GALNT13: variants seen among roughly 807,000 people sequenced by gnomAD.
GALNT13 encodes polypeptide N-acetylgalactosaminyltransferase 13, also known as UDP-GalNAc:polypeptide N-acetylgalactosaminyltransferase 13.
A neutral mutation model predicts 64.2 loss-of-function variants in GALNT13; 28 were observed. That is an observed-to-expected ratio of 0.44 (90% CI 0.32 to 0.60). The LOEUF is 0.60. Among genes scored for constraint, GALNT13 ranks in the 20% least tolerant of loss-of-function variants. The probability of loss-of-function intolerance (pLI) is 0.05; values close to 1 mark genes in which losing one functional copy is unlikely to be tolerated. For synonymous variants in GALNT13, 214 were observed against 224.6 expected, an observed-to-expected ratio of 0.95 and a Z score of 0.42; for missense variants, 577 against 669.8, an observed-to-expected ratio of 0.86 and a Z score of 1.53.
chr2:153,181,274 G>C, the GALNT13 span, among the ~76,000 whole-genome samples: 5 of 150,418 alleles, frequency 3.3e-5, no homozygotes, highest in Non-Finnish European at 5.9e-5. Context: ...GGGTGTTCAG[G>C]AGTACGTTTT....
At chr2:153,742,478 T>C in the GALNT13 span, among the ~76,000 whole-genome samples, 1 of 152,146 alleles carries the variant, frequency 6.6e-6, no homozygotes, top group Non-Finnish European at 1.5e-5. Flanking sequence ...ACAATGCATA[T>C]ACATAGAATG....
At chr2:154,057,545 T>C (rs995456021) in intron 3 of GALNT13, among the ~76,000 whole-genome samples, 6 of 152,114 alleles carry the variant, frequency 3.9e-5, no homozygotes, top group African/African-American at 1.4e-4. Context: ...TAATCGATTG[T>C]GGAATAGAGA....
At chr2:153,073,060 C>T in the GALNT13 span, among the ~76,000 whole-genome samples, 1 of 151,482 alleles carries the variant, frequency 6.6e-6, no homozygotes, top group Non-Finnish European at 1.5e-5. Flanking sequence ...TTGACACATG[C>T]TCTCATTTAA....
At chr2:153,604,429 A>T in the GALNT13 span, among the ~76,000 whole-genome samples, 1 of 152,044 alleles carries the variant, frequency 6.6e-6, no homozygotes, top group African/African-American at 2.4e-5. Context: ...CCTTTAAAAA[A>T]TGTAATTAGA....
At chr2:154,245,419 C>A (rs1221747440) in intron 6 of GALNT13, among the ~76,000 whole-genome samples, 1 of 152,144 alleles carries the variant, frequency 6.6e-6, no homozygotes, top group Non-Finnish European at 1.5e-5. Flanking sequence ...ACTACCAGAT[C>A]TAATTTGCCA....
chr2:153,560,922 T>C, the GALNT13 span, among the ~76,000 whole-genome samples: 1 of 152,122 alleles, frequency 6.6e-6, no homozygotes, highest in African/African-American at 2.4e-5. Flanking sequence ...CTTTATGTAG[T>C]TGAATATTCA....
intron 9 of GALNT13, among the ~76,000 whole-genome samples, chr2:154,393,236 T>A (rs1698878986): frequency 6.6e-6 from 1 of 152,172 alleles, no homozygotes; most frequent in Non-Finnish European, 1.5e-5. Flanking sequence ...TAATTCAGGC[T>A]CTACAGTCAC....
At chr2:154,166,926 A>G (rs1018831550) in intron 4 of GALNT13, among the ~76,000 whole-genome samples, 9 of 151,396 alleles carry the variant, frequency 5.9e-5, no homozygotes, top group Non-Finnish European at 1.3e-4. Context: ...GAATTGAACA[A>G]TGAGAACACA....
intron 10 of GALNT13, among the ~76,000 whole-genome samples, chr2:154,403,404 T>G (rs755210790): frequency 1.9e-4 from 29 of 151,934 alleles, no homozygotes; most frequent in Middle Eastern, 6.8e-3. Context: ...TGCAGTGATC[T>G]GAGATCACAC....
the GALNT13 span, among the ~76,000 whole-genome samples, chr2:153,426,931 A>C: frequency 6.6e-6 from 1 of 151,934 alleles, no homozygotes; most frequent in African/African-American, 2.4e-5. Context: ...TTTTATTGGA[A>C]ATTTTTGTTT....
chr2:154,238,530 A>T (rs776434264), intron 4 of GALNT13, among the ~76,000 whole-genome samples: 5 of 152,052 alleles, frequency 3.3e-5, no homozygotes, highest in Non-Finnish European at 7.4e-5. Flanking sequence ...TAAAATACAG[A>T]CAATAATACC....
chr2:154,026,093 A>G (rs1052611387), intron 3 of GALNT13, among the ~76,000 whole-genome samples: 3 of 152,212 alleles, frequency 2.0e-5, no homozygotes, highest in Non-Finnish European at 2.9e-5. Flanking sequence ...AAATGATTAT[A>G]TAACAGTAGA....
the GALNT13 span, among the ~76,000 whole-genome samples, chr2:153,694,362 T>C: frequency 2.0e-5 from 3 of 152,188 alleles, no homozygotes; most frequent in Non-Finnish European, 4.4e-5. Context: ...TCATGAAGAA[T>C]TTCCAATGAT....
At chr2:154,344,895 G>A (rs1435772807) in intron 9 of GALNT13, among the ~76,000 whole-genome samples, 3 of 151,952 alleles carry the variant, frequency 2.0e-5, no homozygotes, top group African/African-American at 7.2e-5. Flanking sequence ...AATTGTTGAT[G>A]GGATCTATGC....
At chr2:153,791,284 C>A in the GALNT13 span, among the ~76,000 whole-genome samples, 1 of 152,042 alleles carries the variant, frequency 6.6e-6, no homozygotes, top group Non-Finnish European at 1.5e-5. Flanking sequence ...GCTCAACATC[C>A]CTGATCATTA....
chr2:153,088,643 A>G, the GALNT13 span, among the ~76,000 whole-genome samples: 1 of 152,132 alleles, frequency 6.6e-6, no homozygotes, highest in Non-Finnish European at 1.5e-5. Flanking sequence ...TGGGAGCTCC[A>G]GTGTTAGATG....
At chr2:154,033,508 T>C (rs1205352754) in intron 3 of GALNT13, among the ~76,000 whole-genome samples, 2 of 151,878 alleles carry the variant, frequency 1.3e-5, no homozygotes, top group Non-Finnish European at 2.9e-5. Flanking sequence ...AATAAAAAAT[T>C]AACAGGTACT....
chr2:153,497,695 G>A, the GALNT13 span, among the ~76,000 whole-genome samples: 1 of 151,268 alleles, frequency 6.6e-6, no homozygotes, highest in Non-Finnish European at 1.5e-5. Context: ...CCACCATCAC[G>A]CCCGGCTACT....
chr2:153,831,097 A>C, the GALNT13 span, among the ~76,000 whole-genome samples: 1 of 152,192 alleles, frequency 6.6e-6, no homozygotes, highest in African/African-American at 2.4e-5. Context: ...TTTACAATAC[A>C]ATCATGTTAT....
Sources: allele counts gnomAD v4.1 joint callset (sites outside exome capture counted in the v4.1 genomes callset), GRCh38; gene constraint gnomAD v4.1.1; transcripts MANE v1.5; gene names NCBI Gene and HGNC (gene_info 2026-07-23, HGNC 2026-07-21).